Variants in TET1 observed in about 807,000 individuals in gnomAD.
TET1 encodes methylcytosine dioxygenase TET1.
TET1 carries 13 observed loss-of-function variants against 148.7 expected under a neutral mutation model. The observed-to-expected ratio is 0.09, with a 90% CI of 0.06 to 0.14. The LOEUF (loss-of-function observed/expected upper bound fraction) is 0.14, where lower values mean the gene tolerates loss of function less well. TET1 is among the 10% of genes least tolerant of loss of function. The pLI, the probability that TET1 is intolerant of heterozygous loss-of-function variation, is 1.00. For synonymous variants in TET1, 907 were observed against 937.2 expected (o/e 0.97, Z 0.59); for missense variants, 2,182 against 2,553.8 (o/e 0.85, Z 3.14).
At chr10:68,660,513 G>A (rs1721658384) in intron 6 of TET1, among the ~76,000 whole-genome samples, 1 of 151,232 alleles carries the variant, frequency 6.6e-6, no homozygotes, top group African/African-American at 2.4e-5. Context: ...GCTAATTTTT[G>A]TATTTTTTAG....
intron 10 of TET1, among the ~76,000 whole-genome samples, chr10:68,685,299 A>G (rs2055494229): frequency 2.0e-5 from 3 of 152,204 alleles, no homozygotes; most frequent in Admixed American, 2.0e-4. Context: ...GTATCTATCA[A>G]GTTCTACCAT....
At chr10:68,660,661 A>G (rs746761337) in intron 6 of TET1, among the ~76,000 whole-genome samples, 3 of 136,178 alleles carry the variant, frequency 2.2e-5, no homozygotes, top group Non-Finnish European at 4.7e-5. Flanking sequence ...TTTTTAAAAA[A>G]CTATTATTAC....
chr10:68,671,112 C>T (rs1053394799), intron 7 of TET1, among the ~76,000 whole-genome samples: 1 of 151,968 alleles, frequency 6.6e-6, no homozygotes, highest in African/African-American at 2.4e-5. Context: ...AAATTCATGT[C>T]ACAGGGGTTT....
intron 2 of TET1, among the ~76,000 whole-genome samples, chr10:68,590,078 G>A (rs1262997252): frequency 2.0e-5 from 3 of 152,008 alleles, no homozygotes; most frequent in East Asian, 3.8e-4. Flanking sequence ...ACAGTTGTAC[G>A]GACTGAGAGT....
Position 68,646,879 on chromosome 10 carries a change from G to A in TET1, c.4150G>A (p.Glu1384Lys), listed in dbSNP as rs2054858581. 1 of 1,614,018 alleles carries A rather than the reference G, an allele frequency of 6.2e-7. No individual in the cohort carries two copies. Among genetic ancestry groups the A allele is most frequent in the South Asian group, 1.1e-5 (1 of 91,078 alleles). ...CTGTTCATCCAGTTTTGGAACATCA[G>A]AATTTTCCACAGTGGACAGTGCACA... ...EVCSSSFGTS[E>K]FSTVDSAQKN... Residue 1384 changes from glutamate (E) to lysine (K), a missense_variant, in exon 4 of 12, where the codon GAA becomes AAA. By Grantham distance (56) the Glu-to-Lys change is moderately conservative (BLOSUM62 1). This residue lies in a region of TET1 where 169 missense variants were observed against 263.7 expected (regional missense o/e 0.64). Transcript: ENST00000373644.
At chr10:68,666,368 T>C (rs2055195697) in intron 6 of TET1, among the ~76,000 whole-genome samples, 1 of 152,200 alleles carries the variant, frequency 6.6e-6, no homozygotes, top group Non-Finnish European at 1.5e-5. Flanking sequence ...TTGTGTATAT[T>C]AATTCTCGAT....
At chr10:68,571,281 C>T (rs10998288) in intron 1 of TET1, among the ~76,000 whole-genome samples, 44,547 of 150,272 alleles carry the variant, frequency 0.3, 7,752 homozygotes, top group Middle Eastern at 0.44. Flanking sequence ...TGAGCCACCA[C>T]GCCCAGCCCT....
intron 6 of TET1, among the ~76,000 whole-genome samples, 169 bp from the exon 7 acceptor site, chr10:68,666,876 G>T (rs1477439903): frequency 1.3e-5 from 2 of 152,162 alleles, no homozygotes; most frequent in Non-Finnish European, 2.9e-5. Flanking sequence ...TTGAAGCTAG[G>T]AGTTTGAGAC....
chr10:68,646,626 G>T lies in TET1; in HGVS notation c.3897G>T (p.Leu1299Phe). The T allele has an allele frequency of 6.2e-7, 1 of 1,614,134 alleles. No individual in the cohort carries two copies. The highest frequency in any genetic ancestry group is 8.5e-7 in the Non-Finnish European group (1 of 1,180,032). Reference protein sequence around the residue: ...TVNANQKAHPLTQPSSPPNQC... With the variant: ...TVNANQKAHPFTQPSSPPNQC... ...ATGCCAATCAGAAAGCCCATCCTTT[G>T]ACCCAGCCCTCCTCTCCACCTAACC... The change falls in exon 4 of 12, where the codon TTG (leucine) becomes TTT (phenylalanine). Residue 1299 changes from leucine (L) to phenylalanine (F), a missense_variant. By Grantham distance (22) the Leu-to-Phe change is conservative. Coordinates refer to ENST00000373644, the MANE Select transcript of TET1 (RefSeq NM_030625.3).
At chr10:68,649,139 A>C (rs12253506) in intron 4 of TET1, among the ~76,000 whole-genome samples, 29,481 of 152,134 alleles carry the variant, frequency 0.19, 3,643 homozygotes, top group African/African-American at 0.35. Context: ...ATTTTCACAG[A>C]AGCTCTTCAA....
At chr10:68,637,518 C>CTTTTTTTTT (rs34260111) in intron 3 of TET1, among the ~76,000 whole-genome samples, 5 of 106,344 alleles carry the variant, frequency 4.7e-5, no homozygotes, top group Admixed American at 1.2e-4. Flanking sequence ...GTTTCCTATT[C>CTTTTTTTTT]TTTTTTTTTT....
Position 68,671,324 on chromosome 10 carries a change from T to C in TET1, c.4674-1571T>C, listed in dbSNP as rs567061505. On this transcript the variant is annotated intron_variant, in intron 7 of 11. Transcript: ENST00000373644. ...ATTTCATCTTTTGTTCCTGTGTTAG[T>C]TTGCTAAGGATAGTGGCCTTTAGCT... Among the ~76,000 whole-genome samples the C allele has an allele frequency of 2.6e-5, 4 of 152,378 alleles. No homozygotes were observed. The East Asian group carries it at 7.7e-4, about 29-fold the overall frequency.
rs1481636064 is a variant in TET1, at chr10:68,591,347, A to G, written c.1915-9634A>G. ...ATGTTCCATGGAAAAGTGCTTTTCA[A>G]TAAGAACCACAGCCATTAAGCAGTG... On this transcript the variant is annotated intron_variant, in intron 2 of 11. Coordinates refer to ENST00000373644, the MANE Select transcript of TET1 (RefSeq NM_030625.3). Among the ~76,000 whole-genome samples, 4 of 152,280 alleles carry G rather than the reference A, an allele frequency of 2.6e-5. 1 individual carries two copies. The South Asian group carries it at 6.2e-4, about 24-fold the overall frequency.
At chr10:68,621,237 G>A (rs72797600) in intron 3 of TET1, among the ~76,000 whole-genome samples, 1 of 151,640 alleles carries the variant, frequency 6.6e-6, no homozygotes, top group African/African-American at 2.4e-5. Flanking sequence ...GGTGTTTCTT[G>A]TTGTTGTTGT....
chr10:68,561,817 C>A (rs1043757404), intron 1 of TET1, among the ~76,000 whole-genome samples: 2 of 151,370 alleles, frequency 1.3e-5, no homozygotes, highest in Non-Finnish European at 2.9e-5. Context: ...AATCTTTCCA[C>A]GTGAACGAGA....
intron 3 of TET1, among the ~76,000 whole-genome samples, chr10:68,636,979 CGTTGTGTGTGTGTGTGT>C (rs1210148745): frequency 3.3e-4 from 38 of 115,124 alleles, no homozygotes; most frequent in Admixed American, 3.2e-3. Context: ...TTATTTTACT[CGTTGTGTGTGTGTGTGT>C]GTGTGTGTGT....
intron 8 of TET1, among the ~76,000 whole-genome samples, chr10:68,677,510 A>G (rs534372066): frequency 3.5e-4 from 54 of 152,328 alleles, no homozygotes; most frequent in Middle Eastern, 3.4e-3. Context: ...CTTGACCTGG[A>G]TGGAACTTAT....
chr10:68,595,965 C>CACACACATATAT (rs66464781), intron 2 of TET1, among the ~76,000 whole-genome samples: 1 of 28,810 alleles, frequency 3.5e-5, no homozygotes, highest in Non-Finnish European at 6.4e-5. Context: ...TATATATACA[C>CACACACATATAT]ACACACACAC....
rs1276747872 is a variant in TET1 at position 68,591,937 on chromosome 10, A to AC, written c.1915-9044_1915-9043insC. ...AACAAACAAACAAACAAACAAACAA[A>AC]AACAGCCTACATAATATCCATTCTC... On this transcript the variant is annotated intron_variant, in intron 2 of 11. Transcript: ENST00000373644. Among the ~76,000 whole-genome samples, 22 of 151,688 alleles carry AC rather than the reference A, an allele frequency of 1.5e-4. No homozygotes were observed. In the East Asian group the frequency reaches 2.9e-3, roughly 20 times the overall value.
Sources: allele counts gnomAD v4.1 joint callset (sites outside exome capture counted in the v4.1 genomes callset), GRCh38; gene constraint gnomAD v4.1.1; regional missense constraint gnomAD v4.1.1; transcripts MANE v1.5; gene names NCBI Gene and HGNC (gene_info 2026-07-23, HGNC 2026-07-21).